The following RFX4 variants were observed in gnomAD, a reference collection of about 807,000 sequenced individuals.
RFX4 encodes transcription factor RFX4.
RFX4 carries 10 observed loss-of-function variants against 95.0 expected under a neutral mutation model. The observed-to-expected ratio is 0.11, with a 90% confidence interval of 0.06 to 0.18. The LOEUF (loss-of-function observed/expected upper bound fraction) is 0.18. RFX4 is among the 10% of genes least tolerant of loss of function. RFX4 has a pLI of 1.00. For synonymous variants in RFX4, 321 were observed against 340.7 expected (o/e 0.94, Z 0.64); for missense variants, 640 against 922.0 (o/e 0.69, Z 3.96).
intron 1 of RFX4, among the ~76,000 whole-genome samples, chr12:106,601,644 C>A (rs1285663198): frequency 6.6e-6 from 1 of 152,236 alleles, no homozygotes; most frequent in African/African-American, 2.4e-5. Context: ...AGGAACAAAA[C>A]TCAGCGTGTT....
At chr12:106,663,560 T>A (rs533997847) in intron 4 of RFX4, among the ~76,000 whole-genome samples, 3 of 152,128 alleles carry the variant, frequency 2.0e-5, no homozygotes, top group African/African-American at 7.2e-5. Context: ...TTTTCTTGTC[T>A]TATTGCATTG....
At chr12:106,609,500 G>A in intron 2 of RFX4, among the ~76,000 whole-genome samples, 1 of 152,170 alleles carries the variant, frequency 6.6e-6, no homozygotes, top group Non-Finnish European at 1.5e-5. Flanking sequence ...ATTTTTTGCA[G>A]AGTCAGAAGT....
chr12:106,658,742 T>G (rs1229345414), intron 4 of RFX4, among the ~76,000 whole-genome samples: 2 of 152,078 alleles, frequency 1.3e-5, no homozygotes, highest in Non-Finnish European at 2.9e-5. Flanking sequence ...CTGTCATAGG[T>G]TTTGGGGGAG....
chr12:106,677,440 G>C (rs928693133), intron 4 of RFX4, among the ~76,000 whole-genome samples: 1 of 152,088 alleles, frequency 6.6e-6, no homozygotes, highest in Non-Finnish European at 1.5e-5. Context: ...ATCACAGAGG[G>C]CCTCATGGAC....
chr12:106,742,863 T>A (rs964298779), intron 15 of RFX4, among the ~76,000 whole-genome samples: 1 of 152,252 alleles, frequency 6.6e-6, no homozygotes, highest in African/African-American at 2.4e-5. Flanking sequence ...TGGGTCAATG[T>A]ATAAAAGGAA....
chr12:106,712,131 C>T (rs931642810), intron 10 of RFX4, among the ~76,000 whole-genome samples: 9 of 152,224 alleles, frequency 5.9e-5, no homozygotes, highest in African/African-American at 2.2e-4. Flanking sequence ...TATTAATGAC[C>T]TTAAAGCAGA....
intron 7 of RFX4, 106 bp downstream of exon 7, chr12:106,689,470 C>A: frequency 2.3e-6 from 2 of 866,130 alleles, no homozygotes; most frequent in Non-Finnish European, 3.9e-6. Context: ...CATCTGGAAG[C>A]CCTTCCTGGA....
chr12:106,619,939 A>C, intron 2 of RFX4, among the ~76,000 whole-genome samples: 1 of 151,700 alleles, frequency 6.6e-6, no homozygotes, highest in East Asian at 1.9e-4. Flanking sequence ...CTTTTCTCAT[A>C]GTTTCTAAAT....
chr12:106,643,868 C>T (rs1308936118), intron 3 of RFX4, among the ~76,000 whole-genome samples: 1 of 152,110 alleles, frequency 6.6e-6, no homozygotes, highest in African/African-American at 2.4e-5. Context: ...TAGTTCTTTG[C>T]CTTCTCCTCA....
chr12:106,700,703 G>A (rs1025371411), intron 8 of RFX4, among the ~76,000 whole-genome samples: 3 of 151,738 alleles, frequency 2.0e-5, no homozygotes, highest in African/African-American at 7.3e-5. Flanking sequence ...ACCGCGCCCG[G>A]CCAAGTTTGT....
chr12:106,621,106 T>C (rs2040177858), intron 2 of RFX4, among the ~76,000 whole-genome samples: 1 of 152,214 alleles, frequency 6.6e-6, no homozygotes, highest in Non-Finnish European at 1.5e-5. Flanking sequence ...TTTGTACAGT[T>C]AACACAGTTA....
chr12:106,616,090 T>A (rs1468920099), intron 2 of RFX4, among the ~76,000 whole-genome samples: 2 of 152,238 alleles, frequency 1.3e-5, no homozygotes, highest in African/African-American at 4.8e-5. Flanking sequence ...AGATGTTTGC[T>A]GTGGATTTTT....
intron 3 of RFX4, among the ~76,000 whole-genome samples, chr12:106,643,048 C>A (rs895228350): frequency 1.3e-5 from 2 of 152,172 alleles, no homozygotes; most frequent in African/African-American, 4.8e-5. Flanking sequence ...GTGGAGATGG[C>A]CAGTTAAAAA....
At chr12:106,677,971 T>A (rs1223850605) in intron 4 of RFX4, among the ~76,000 whole-genome samples, 2 of 152,106 alleles carry the variant, frequency 1.3e-5, no homozygotes, top group East Asian at 3.9e-4. Flanking sequence ...CAGTGGAGAT[T>A]GATGCTGGTC....
chr12:106,672,763 T>TAAA lies in RFX4; in HGVS notation c.316-9215_316-9213dup, dbSNP rs58826004. Among the ~76,000 whole-genome samples the TAAA allele has an allele frequency of 2.2e-3, 290 of 130,884 alleles. 2 individuals carry two copies. The highest frequency in any genetic ancestry group is 6.9e-3 in the South Asian group (28 of 4,046). 85.9% of individuals were successfully genotyped at this position (130,884 alleles called of 152,430 possible). On this transcript the variant is annotated intron_variant, in intron 4 of 17. Transcript: ENST00000392842. ...TAATTTGCAGCCCATAAGAAACACT[T>TAAA]AAAAAAAAAAAAAAAAAGCCAAACC...
chr12:106,750,576 G>T, intron 16 of RFX4, 79 bp from the exon 17 acceptor site: 1 of 1,280,410 alleles, frequency 7.8e-7, no homozygotes, highest in Non-Finnish European at 1.0e-6. Flanking sequence ...AAAAAAAATA[G>T]ATGAGGTTTT....
chr12:106,644,804 T>C (rs2040709550), intron 3 of RFX4, among the ~76,000 whole-genome samples: 1 of 152,166 alleles, frequency 6.6e-6, no homozygotes, highest in Admixed American at 6.5e-5. Context: ...AGGACAAGCA[T>C]CTCATTCTCT....
At chr12:106,651,962 C>T (rs1180514356) in intron 3 of RFX4, among the ~76,000 whole-genome samples, 3 of 152,286 alleles carry the variant, frequency 2.0e-5, no homozygotes, top group East Asian at 1.9e-4. Context: ...AGTTTGTACG[C>T]GAGCTGGTTA....
Position 106,762,247 on chromosome 12 carries a change from T to G in RFX4, c.*778T>G, listed in dbSNP as rs920618469. 4 of 151,622 alleles carry G rather than the reference T, an allele frequency of 2.6e-5. No homozygotes were observed. The highest frequency in any genetic ancestry group is 5.9e-5 in the Non-Finnish European group (4 of 67,642). 9.4% of individuals were successfully genotyped at this position (151,622 alleles called of 1,614,324 possible). Reference sequence around the variant, plus strand: ...GCAAAAGGCAGGAGAGGGTTTTTGTTTTTTTTTTAAGTTCTATGAGAATGT... The same window carrying G: ...GCAAAAGGCAGGAGAGGGTTTTTGTGTTTTTTTTAAGTTCTATGAGAATGT... On this transcript the variant is annotated 3_prime_UTR_variant, in exon 18 of 18. Transcript: ENST00000392842.
Sources: gnomAD v4.1 joint callset for allele counts (sites outside exome capture counted in the v4.1 genomes callset) on GRCh38, gnomAD v4.1.1 for gene constraint, MANE v1.5 for transcripts, NCBI Gene and HGNC (gene_info 2026-07-23, HGNC 2026-07-21) for gene names.